Variants in MYH16 observed in about 807,000 individuals in gnomAD.
The protein encoded by MYH16 is myosin heavy chain 16, also known as putative uncharacterized protein MYH16.
In MYH16 at chr7:99,256,275, CAAAAAAAAA is replaced by C. The variant is rs55894638; in HGVS notation, n.996+608_996+616del. ...GCAACATACTAAGATCCCGTCTCTG[CAAAAAAAAA>C]AAAAAAAAAAAAAAAAATTTAAATT... On this transcript the variant is annotated intron_variant and non_coding_transcript_variant, in intron 9 of 41. Coordinates refer to ENST00000439784, the Ensembl canonical transcript of MYH16. 9.3e-3 allele frequency among the ~76,000 whole-genome samples: 661 copies of C among 71,042 alleles called. 1 individual carries two copies. Among genetic ancestry groups the C allele is most frequent in the African/African-American group, 0.028 (528 of 18,740 alleles). The allele number at this position is 71,042 out of a possible 152,430, so 46.6% of individuals were successfully genotyped here.
At chr7:99,245,216 C>G (rs1563101826) in intron 2 of MYH16, among the ~76,000 whole-genome samples, 1 of 152,214 alleles carries the variant, frequency 6.6e-6, no homozygotes, top group African/African-American at 2.4e-5. Flanking sequence ...TTCATCGTCT[C>G]TTTGCCTTTT....
chr7:99,283,685 CCA>C (rs1193553796), intron 24 of MYH16, 34 bp downstream of exon 6: 4 of 456,452 alleles, frequency 8.8e-6, no homozygotes, highest in South Asian at 6.2e-5. Flanking sequence ...CTCTACAACT[CCA>C]AGGCCAGATC....
chr7:99,279,377 A>C (rs1167675960), intron 21 of MYH16, 133 bp from the exon 4 acceptor site: 2 of 347,764 alleles, frequency 5.8e-6, no homozygotes, highest in Non-Finnish European at 1.1e-5. Flanking sequence ...AAAAAAAAAA[A>C]AAAAGGAGCT....
chr7:99,277,796 C>T (rs1792136129), intron 21 of MYH16, 84 bp downstream of exon 3: 1 of 372,580 alleles, frequency 2.7e-6, no homozygotes, highest in African/African-American at 2.1e-5. Context: ...CTTCCAAAAA[C>T]CCATGTCCCT....
chr7:99,270,852 C>G (rs1792037988), intron 18 of MYH16: 1 of 152,070 alleles, frequency 6.6e-6, no homozygotes, highest in African/African-American at 2.4e-5. Flanking sequence ...CCACTGCACT[C>G]CAGCAAAACA....
chr7:99,296,875 G>A (rs534412460), exon 34 of MYH16: 3 of 457,806 alleles, frequency 6.6e-6, no homozygotes, highest in Middle Eastern at 6.5e-4. Context: ...GGAGTCTCTG[G>A]AGCATCTAGA....
chr7:99,297,385 A>G (rs1792516585), intron 34 of MYH16, among the ~76,000 whole-genome samples: 1 of 152,144 alleles, frequency 6.6e-6, no homozygotes, highest in East Asian at 1.9e-4. Context: ...GTGAGCCGAG[A>G]TCATGCCACT....
chr7:99,298,358 A>C (rs1171667309), intron 36 of MYH16, among the ~76,000 whole-genome samples: 1 of 151,494 alleles, frequency 6.6e-6, no homozygotes. Flanking sequence ...TTAGCCTCCC[A>C]AGTAGCTGGG....
chr7:99,304,977 G>A (rs866024433), intron 40 of MYH16, among the ~76,000 whole-genome samples: 10 of 152,244 alleles, frequency 6.6e-5, no homozygotes, highest in Non-Finnish European at 5.9e-5. Context: ...CTTGAGGCCA[G>A]GAGTTTGAGA....
At chr7:99,292,381 G>A in exon 32 of MYH16, 1 of 457,140 alleles carries the variant, frequency 2.2e-6, no homozygotes, top group South Asian at 1.5e-5. Context: ...GGAGCAGCTG[G>A]AGGAGGAGCA....
At chr7:99,283,978 A>AT in exon 25 of MYH16, 1 of 456,322 alleles carries the variant, frequency 2.2e-6, no homozygotes, top group South Asian at 1.6e-5. Context: ...CCTCAATGAG[A>AT]TGGAGCGTTC....
intron 1 of MYH16, among the ~76,000 whole-genome samples, chr7:99,241,947 G>A (rs143552243): frequency 0.058 from 8,668 of 150,434 alleles, 572 homozygotes; most frequent in African/African-American, 0.16. Flanking sequence ...TGCAACCCCC[G>A]CCCCCTGGGT....
intron 2 of MYH16, among the ~76,000 whole-genome samples, chr7:99,245,070 G>A (rs1416807658): frequency 6.6e-6 from 1 of 152,204 alleles, no homozygotes; most frequent in Non-Finnish European, 1.5e-5. Context: ...CCACAGCAGG[G>A]AGGTAACTGG....
chr7:99,296,435 G>T (rs1158298731), intron 33 of MYH16, among the ~76,000 whole-genome samples: 1 of 151,970 alleles, frequency 6.6e-6, no homozygotes, highest in Non-Finnish European at 1.5e-5. Flanking sequence ...TTTTACACCT[G>T]AGAGAATTCT....
At chr7:99,297,198 G>A (rs1340735076) in intron 34 of MYH16, among the ~76,000 whole-genome samples, 2 of 151,854 alleles carry the variant, frequency 1.3e-5, no homozygotes, top group African/African-American at 4.8e-5. Context: ...TTGGGAGGCT[G>A]AGGCGGGCGG....
At chr7:99,263,076 A>T (rs1791952971) in intron 13 of MYH16, among the ~76,000 whole-genome samples, 1 of 152,150 alleles carries the variant, frequency 6.6e-6, no homozygotes, top group Non-Finnish European at 1.5e-5. Flanking sequence ...CAAAGCTCAG[A>T]GTTGGCGTAT....
chr7:99,308,172 G>A (rs895957421), downstream of MYH16, among the ~76,000 whole-genome samples: 76 of 151,724 alleles, frequency 5.0e-4, no homozygotes, highest in African/African-American at 2.4e-5. Flanking sequence ...GCACACGCCT[G>A]TAATCCCAGC....
chr7:99,294,545 GAA>G (rs200644722), intron 33 of MYH16, among the ~76,000 whole-genome samples: 37 of 77,758 alleles, frequency 4.8e-4, no homozygotes, highest in African/African-American at 2.0e-3. Context: ...AAGAAAAAAA[GAA>G]AAAAAAAATA....
chr7:99,265,323 A>AT (rs1791975814), intron 16 of MYH16: 1 of 152,640 alleles, frequency 6.6e-6, no homozygotes, highest in Non-Finnish European at 1.5e-5. Flanking sequence ...AACCTCAACA[A>AT]TGGGTCATCC....
Sources: gnomAD v4.1 joint callset for allele counts (sites outside exome capture counted in the v4.1 genomes callset) on GRCh38, gnomAD v4.1.1 for gene constraint, MANE v1.5 for transcripts, NCBI Gene and HGNC (gene_info 2026-07-23, HGNC 2026-07-21) for gene names.